Variants in PABIR3 observed in about 807,000 individuals in gnomAD.
PABIR3 encodes the protein PABIR family member 3, also known as PABIR family member 1.
Under a neutral mutation model 23.1 loss-of-function variants are expected in PABIR3, and 20 were observed. That is an observed-to-expected ratio of 0.86 (90% CI 0.61 to 1.26). The LOEUF (loss-of-function observed/expected upper bound fraction) is 1.26. PABIR3 is among the 50% of genes most tolerant of loss of function. The probability of loss-of-function intolerance (pLI) is 0.00; values close to 1 mark genes in which losing one functional copy is unlikely to be tolerated. For synonymous variants in PABIR3, 69 were observed against 68.5 expected, an observed-to-expected ratio of 1.01 and a Z score of -0.04; for missense variants, 189 against 195.4, an observed-to-expected ratio of 0.97 and a Z score of 0.20.
intron 2 of PABIR3, chrX:134,810,596 T>C: frequency 1.3e-6 from 1 of 753,532 alleles, no homozygotes. Context: ...GAGAAGTTAT[T>C]CTGAAGCAAG....
At chrX:134,835,649 T>A (rs1402224051) in intron 4 of PABIR3, 2 of 110,999 alleles carry the variant, frequency 1.8e-5, no homozygotes, top group African/African-American at 6.5e-5. Flanking sequence ...CTAATAAAAA[T>A]TTTATTTTAT....
At chrX:134,822,261 C>G in intron 3 of PABIR3, 2 of 751,531 alleles carry the variant, frequency 2.7e-6, no homozygotes, top group Non-Finnish European at 3.1e-6. Flanking sequence ...TATTTTAATA[C>G]TTTGTTTCAT....
chrX:134,839,463 C>T (rs1464945102), intron 4 of PABIR3: 11 of 135,086 alleles, frequency 8.1e-5, no homozygotes, highest in Admixed American at 3.5e-4. Context: ...GCCCAGCAGC[C>T]GCCCCGTCTG....
intron 1 of PABIR3, among the ~76,000 whole-genome samples, chrX:134,798,518 C>G (rs989788351): frequency 8.9e-6 from 1 of 111,955 alleles, no homozygotes; most frequent in African/African-American, 3.3e-5. Context: ...CTCATTGTTG[C>G]TTATTCTCAG....
downstream of PABIR3, among the ~76,000 whole-genome samples, chrX:134,859,371 A>C (rs767729826): frequency 8.9e-6 from 1 of 111,897 alleles, no homozygotes; most frequent in East Asian, 2.8e-4. Flanking sequence ...CATTTTACTT[A>C]GCTTCATCAA....
intron 3 of PABIR3, among the ~76,000 whole-genome samples, chrX:134,825,457 A>G (rs2081463082): frequency 8.9e-6 from 1 of 112,412 alleles, no homozygotes; most frequent in Admixed American, 9.5e-5. Context: ...TGTTCATAAC[A>G]CTATTGCCTA....
intron 4 of PABIR3, among the ~76,000 whole-genome samples, chrX:134,837,066 C>G (rs1603231954): frequency 1.8e-5 from 2 of 110,812 alleles, no homozygotes; most frequent in African/African-American, 6.6e-5. Context: ...AATTTGCTGG[C>G]CGGGCACGGT....
chrX:134,810,475 T>C, intron 2 of PABIR3: 1 of 754,254 alleles, frequency 1.3e-6, no homozygotes, highest in Non-Finnish European at 1.6e-6. Flanking sequence ...CTCTAGTCTG[T>C]CAGAAAGAAG....
intron 1 of PABIR3, among the ~76,000 whole-genome samples, chrX:134,801,268 A>C (rs1269933361): frequency 8.9e-6 from 1 of 112,627 alleles, no homozygotes; most frequent in Non-Finnish European, 1.9e-5. Flanking sequence ...TCCAGATAGT[A>C]ATTTTCCAGG....
Position 134,854,117 on chromosome X carries a change from A to C in PABIR3, c.713A>C (p.Asn238Thr). 3 of 1,211,058 alleles carry C rather than the reference A, an allele frequency of 2.5e-6. No homozygotes were observed. Among genetic ancestry groups the C allele is most frequent in the Non-Finnish European group, 3.4e-6 (3 of 895,115 alleles). ...VYLLPATFDG[N>T]DSNAGSSGNS... ...CTACTTCCAGCTACTTTTGATGGAAACGACAGCAATGCTGGATCTTCTGGT... is the reference window on the plus strand; with the variant it reads ...CTACTTCCAGCTACTTTTGATGGAACCGACAGCAATGCTGGATCTTCTGGT... The change falls in exon 11 of 11, where the codon AAC becomes ACC. Residue 238 changes from asparagine (N) to threonine (T), a missense_variant. Transcript: ENST00000645433.
the PABIR3 span, among the ~76,000 whole-genome samples, chrX:134,861,070 T>C: frequency 9.1e-6 from 1 of 109,741 alleles, no homozygotes; most frequent in African/African-American, 3.3e-5. Flanking sequence ...AGGTCAGGAG[T>C]TGGAGACCAG....
downstream of PABIR3, among the ~76,000 whole-genome samples, chrX:134,855,584 G>A (rs984297248): frequency 2.5e-4 from 28 of 111,693 alleles, no homozygotes; most frequent in African/African-American, 8.1e-4. Flanking sequence ...TCTCAAATAC[G>A]TATAAAAGAC....
downstream of PABIR3, among the ~76,000 whole-genome samples, chrX:134,858,467 C>T (rs2082759214): frequency 9.0e-6 from 1 of 111,649 alleles, no homozygotes; most frequent in Admixed American, 9.6e-5. Context: ...ATCTCATCTC[C>T]TAAATGAATT....
intron 3 of PABIR3, among the ~76,000 whole-genome samples, chrX:134,823,307 A>G (rs1431638477): frequency 1.8e-5 from 2 of 112,280 alleles, no homozygotes; most frequent in African/African-American, 6.5e-5. Flanking sequence ...ATACAGCCAA[A>G]GTGTCATAAT....
chrX:134,833,588 T>C (rs1304490999), intron 4 of PABIR3, among the ~76,000 whole-genome samples: 1 of 111,410 alleles, frequency 9.0e-6, no homozygotes, highest in African/African-American at 3.3e-5. Context: ...GGGCAGAATG[T>C]GCAGGTTTGT....
chrX:134,837,310 C>T (rs1002991364), intron 4 of PABIR3, among the ~76,000 whole-genome samples: 2 of 110,316 alleles, frequency 1.8e-5, no homozygotes, highest in Admixed American at 1.9e-4. Flanking sequence ...TGTACCACTG[C>T]ACTCACTCCA....
chrX:134,821,689 G>A lies in PABIR3; in HGVS notation c.189+6840G>A. Reference sequence around the variant, plus strand: ...ACCACAAACCCCAAATCTAGTGTATGGCCCACAAAGTTGCAAGCATGTAAT... The same window carrying A: ...ACCACAAACCCCAAATCTAGTGTATAGCCCACAAAGTTGCAAGCATGTAAT... On this transcript the variant is annotated intron_variant, in intron 3 of 10. Transcript: ENST00000645433. The A allele has an allele frequency of 3.9e-6, 4 of 1,027,784 alleles. No homozygotes were observed. In the South Asian group the frequency reaches 6.6e-5, roughly 17 times the overall value. 84.7% of individuals were successfully genotyped at this position (1,027,784 alleles called of 1,213,427 possible). A position where few individuals can be genotyped will look rare whatever the true frequency, so the allele number is the denominator to read the frequency against.
chrX:134,815,469 T>C (rs1042663642), intron 3 of PABIR3, among the ~76,000 whole-genome samples: 1 of 111,790 alleles, frequency 8.9e-6, no homozygotes, highest in African/African-American at 3.3e-5. Flanking sequence ...CAATTAACTG[T>C]TTTAAAATAT....
chrX:134,843,616 AAAGTGCAGTGGCGTGATCTCGGCTC>A (rs2082327401), intron 4 of PABIR3, among the ~76,000 whole-genome samples: 1 of 85,138 alleles, frequency 1.2e-5, no homozygotes, highest in Non-Finnish European at 2.1e-5. Flanking sequence ...CGCCCAGGCT[AAAGTGCAGTGGCGTGATCTCGGCTC>A]ACTGCAAGCT....
Sources: allele counts gnomAD v4.1 joint callset (sites outside exome capture counted in the v4.1 genomes callset), GRCh38; gene constraint gnomAD v4.1.1; transcripts MANE v1.5; gene names NCBI Gene and HGNC (gene_info 2026-07-23, HGNC 2026-07-21).